PPP2R5C: variants seen among roughly 807,000 people sequenced by gnomAD.
PPP2R5C encodes serine/threonine-protein phosphatase 2A 56 kDa regulatory subunit gamma isoform.
PPP2R5C carries 7 observed loss-of-function variants against 68.9 expected under a neutral mutation model. The ratio of observed to expected loss-of-function variants is 0.10; its 90% CI spans 0.06 to 0.19. The LOEUF is 0.19. Among genes scored for constraint, PPP2R5C ranks in the 10% least tolerant of loss-of-function variants. The probability of loss-of-function intolerance (pLI) is 1.00; values close to 1 mark genes in which losing one functional copy is unlikely to be tolerated. For synonymous variants in PPP2R5C, 210 were observed against 222.2 expected, an observed-to-expected ratio of 0.95 and a Z score of 0.49; for missense variants, 348 against 641.3, an observed-to-expected ratio of 0.54 and a Z score of 4.94.
intron 2 of PPP2R5C, among the ~76,000 whole-genome samples, chr14:101,774,242 C>T (rs537955060): frequency 6.6e-6 from 1 of 152,358 alleles, no homozygotes; most frequent in Admixed American, 6.5e-5. Context: ...TGGCTGGGAG[C>T]TGGCTCTTGT....
exon 14 of PPP2R5C, chr14:101,926,243 C>T (rs889252073): frequency 1.3e-5 from 2 of 152,400 alleles, no homozygotes; most frequent in Non-Finnish European, 2.9e-5. Context: ...AGTAACACAA[C>T]AGCATTGCAC....
chr14:101,895,057 G>A (rs1034773730), intron 8 of PPP2R5C, among the ~76,000 whole-genome samples: 5 of 152,180 alleles, frequency 3.3e-5, no homozygotes, highest in African/African-American at 4.8e-5. Context: ...TGTTCTGTGC[G>A]TGGATCTGTA....
At chr14:101,774,486 TC>T (rs2037316017) in intron 2 of PPP2R5C, among the ~76,000 whole-genome samples, 2 of 152,174 alleles carry the variant, frequency 1.3e-5, no homozygotes, top group South Asian at 4.1e-4. Flanking sequence ...CATATCTCAC[TC>T]CTATTCTCTG....
At chr14:101,819,236 C>G (rs1159242495) in intron 1 of PPP2R5C, 3 of 672,344 alleles carry the variant, frequency 4.5e-6, no homozygotes, top group Non-Finnish European at 7.6e-6. Context: ...TTGATAATCG[C>G]TCTCTTGGAA....
At chr14:101,844,926 A>G (rs2041730527) in intron 1 of PPP2R5C, among the ~76,000 whole-genome samples, 1 of 152,180 alleles carries the variant, frequency 6.6e-6, no homozygotes, top group South Asian at 2.1e-4. Flanking sequence ...TTCACCAGTC[A>G]TGCTAGTGAA....
chr14:101,831,167 A>G (rs1000605169), intron 1 of PPP2R5C, among the ~76,000 whole-genome samples: 2 of 152,184 alleles, frequency 1.3e-5, no homozygotes, highest in Non-Finnish European at 2.9e-5. Context: ...AGGTGTGCTG[A>G]GTTTTGTTTA....
At chr14:101,869,754 A>G (rs943591020) in intron 2 of PPP2R5C, among the ~76,000 whole-genome samples, 1 of 152,156 alleles carries the variant, frequency 6.6e-6, no homozygotes. Context: ...TCCCAGGCTC[A>G]GGTGATCCTC....
At chr14:101,803,767 C>G (rs2038967341) in intron 3 of PPP2R5C, among the ~76,000 whole-genome samples, 1 of 151,868 alleles carries the variant, frequency 6.6e-6, no homozygotes, top group Admixed American at 6.6e-5. Context: ...GACTGTGACA[C>G]TACTACAAGA....
intron 2 of PPP2R5C, among the ~76,000 whole-genome samples, chr14:101,875,989 C>CT: frequency 6.6e-6 from 1 of 152,146 alleles, no homozygotes; most frequent in African/African-American, 2.4e-5. Flanking sequence ...GTCTCTGTTT[C>CT]TTTTTTGTAT....
chr14:101,809,148 T>G (rs962151592), upstream of PPP2R5C, among the ~76,000 whole-genome samples: 1 of 152,218 alleles, frequency 6.6e-6, no homozygotes, highest in African/African-American at 2.4e-5. Context: ...TTTTTTGCTT[T>G]CTTACTCCCA....
intron 10 of PPP2R5C, among the ~76,000 whole-genome samples, chr14:101,907,094 A>G (rs1304098511): frequency 3.9e-5 from 6 of 152,202 alleles, no homozygotes; most frequent in African/African-American, 1.4e-4. Context: ...ACTGAGCAAT[A>G]GTCTTCTGAG....
In PPP2R5C at chr14:101,891,067, C is replaced by T. The variant is rs1051442330; in HGVS notation, c.689+771C>T. Among the ~76,000 whole-genome samples the T allele has an allele frequency of 3.4e-4, 52 of 152,246 alleles. No individual in the cohort carries two copies. Among genetic ancestry groups the T allele is most frequent in the Non-Finnish European group, 6.6e-4 (45 of 68,012 alleles). On this transcript the variant is annotated intron_variant, in intron 6 of 13. Transcript: ENST00000334743. This position sits in a 1 kb window ranked among gnomAD's most constrained non-coding sequence, Gnocchi z 4.9. ...GATTACAGGCATGAGCCACCACGCCCGGCCACTTTTATTTAATTGATAACC... is the reference window on the plus strand; with the variant it reads ...GATTACAGGCATGAGCCACCACGCCTGGCCACTTTTATTTAATTGATAACC...
intron 1 of PPP2R5C, among the ~76,000 whole-genome samples, chr14:101,829,605 A>G (rs2040612816): frequency 6.6e-6 from 1 of 152,232 alleles, no homozygotes; most frequent in Non-Finnish European, 1.5e-5. Context: ...ATAATATTCC[A>G]TAAGGCTGGA....
chr14:101,827,576 C>G (rs1376942032), intron 1 of PPP2R5C, among the ~76,000 whole-genome samples: 2 of 152,244 alleles, frequency 1.3e-5, no homozygotes, highest in African/African-American at 4.8e-5. Flanking sequence ...GTTGCTTTCT[C>G]TCGCGAAGCT....
rs555687508 is a variant in PPP2R5C, at chr14:101,900,551, A to G, written c.853-1168A>G. On this transcript the variant is annotated intron_variant, in intron 8 of 13. Transcript: ENST00000334743. ...TACAATTCAGTGTGTAAGCACATAT[A>G]TGCACTTCATATGCAAATGCCTGTT... is the stretch of plus-strand genomic sequence containing the variant. Among the ~76,000 whole-genome samples, 13 of 152,332 alleles carry G rather than the reference A, an allele frequency of 8.5e-5. No homozygotes were observed. In the South Asian group the frequency reaches 2.7e-3, roughly 32 times the overall value.
chr14:101,841,256 G>C (rs1000849976), intron 1 of PPP2R5C, among the ~76,000 whole-genome samples: 1 of 152,106 alleles, frequency 6.6e-6, no homozygotes, highest in Non-Finnish European at 1.5e-5. Context: ...TCCTGTCTTC[G>C]AGGCTTTACA....
chr14:101,786,295 T>A, intron 3 of PPP2R5C, 112 bp downstream of exon 3: 1 of 1,049,184 alleles, frequency 9.5e-7, no homozygotes, highest in Non-Finnish European at 1.3e-6. Context: ...TGTGGGGTCA[T>A]CTTTTCTGTA....
At chr14:101,847,851 C>CG (rs1391365470) in intron 1 of PPP2R5C, among the ~76,000 whole-genome samples, 1 of 151,984 alleles carries the variant, frequency 6.6e-6, no homozygotes, top group Non-Finnish European at 1.5e-5. Context: ...TTAGTAGAGA[C>CG]GGGGTTTCAC....
intron 3 of PPP2R5C, among the ~76,000 whole-genome samples, chr14:101,792,139 C>T (rs535141944): frequency 4.6e-5 from 7 of 152,276 alleles, no homozygotes; most frequent in South Asian, 2.1e-4. Context: ...TGAAATACAT[C>T]AGAGGCAACG....
Sources: gnomAD v4.1 joint callset for allele counts (sites outside exome capture counted in the v4.1 genomes callset) on GRCh38, gnomAD v4.1.1 for gene constraint, Gnocchi (gnomAD v3.1) non-coding constraint, MANE v1.5 for transcripts, NCBI Gene and HGNC (gene_info 2026-07-23, HGNC 2026-07-21) for gene names.